Variants in RUFY1 observed in about 807,000 individuals in gnomAD.
RUFY1 encodes the protein RUN and FYVE domain-containing protein 1.
Under a neutral mutation model 94.6 loss-of-function variants are expected in RUFY1, and 54 were observed. The ratio of observed to expected loss-of-function variants is 0.57; its 90% CI spans 0.46 to 0.72. The LOEUF is 0.72. Among genes scored for constraint, RUFY1 ranks in the 30% least tolerant of loss-of-function variants. The pLI is 0.00. For synonymous variants in RUFY1, 396 were observed against 347.3 expected (o/e 1.14, Z -1.56); for missense variants, 883 against 883.9 (o/e 1.00, Z 0.01).
At chr5:179,564,462 T>C (rs1309464992) in intron 3 of RUFY1, among the ~76,000 whole-genome samples, 1 of 146,794 alleles carries the variant, frequency 6.8e-6, no homozygotes, top group Non-Finnish European at 1.5e-5. Flanking sequence ...CTCTGTCGCC[T>C]AGGCTGGAGT....
chr5:179,587,044 A>G (rs367913062), intron 8 of RUFY1, among the ~76,000 whole-genome samples: 1 of 152,286 alleles, frequency 6.6e-6, no homozygotes, highest in East Asian at 1.9e-4. Flanking sequence ...GAAACTAAGC[A>G]GAGTTATGTG....
At chr5:179,583,802 T>G (rs1263233286) in intron 7 of RUFY1, among the ~76,000 whole-genome samples, 3 of 151,668 alleles carry the variant, frequency 2.0e-5, no homozygotes, top group Non-Finnish European at 2.9e-5. Flanking sequence ...CAGGCTGGAG[T>G]GCAGTGGCAT....
At chr5:179,572,322 C>A in intron 5 of RUFY1, 1 of 194,562 alleles carries the variant, frequency 5.1e-6, no homozygotes, top group South Asian at 7.4e-5. Context: ...TGGAGAACGT[C>A]GCATTCAGCG....
In RUFY1 at chr5:179,591,643, A is replaced by C. The variant is rs747712927; in HGVS notation, c.1147A>C (p.Lys383Gln). Residue 383 changes from lysine (K) to glutamine (Q), a missense_variant, in exon 10 of 18, where the codon AAA (lysine) becomes CAA (glutamine). By Grantham distance (53) the Lys-to-Gln change is moderately conservative. Transcript: ENST00000319449. ...KSVEITKQDT[K>Q]VELETYKQTR... ...GATACAGATAACAAAACAGGATACC[A>C]AAGTTGAGCTGGAGACTTACAAGCA... The C allele has an allele frequency of 1.9e-6, 3 of 1,612,000 alleles. No individual in the cohort carries two copies. Among genetic ancestry groups the C allele is most frequent in the Non-Finnish European group, 2.5e-6 (3 of 1,178,956 alleles).
chr5:179,570,705 T>C (rs1305678051), intron 5 of RUFY1, among the ~76,000 whole-genome samples: 1 of 152,180 alleles, frequency 6.6e-6, no homozygotes, highest in Non-Finnish European at 1.5e-5. Context: ...TTTTCCTGCA[T>C]TGTGTTTGGT....
chr5:179,582,699 C>G (rs976210825), intron 7 of RUFY1, among the ~76,000 whole-genome samples: 1 of 151,792 alleles, frequency 6.6e-6, no homozygotes, highest in African/African-American at 2.4e-5. Context: ...CAAAATTAGG[C>G]AGGCGTGGTG....
At chr5:179,604,786 A>G (rs1766870056) in intron 15 of RUFY1, among the ~76,000 whole-genome samples, 1 of 152,022 alleles carries the variant, frequency 6.6e-6, no homozygotes, top group African/African-American at 2.4e-5. Flanking sequence ...GTTCAAGACC[A>G]GCCAGGCCAA....
chr5:179,607,605 C>T lies in RUFY1; in HGVS notation c.1929C>T (p.Asp643=), dbSNP rs547134316. The T allele has an allele frequency of 3.5e-5, 57 of 1,614,198 alleles. No individual in the cohort carries two copies. In the East Asian group the frequency reaches 4.5e-4, roughly 13 times the overall value. ...AGGGCCACGCCTGGCTGAAAGATGACGAAGCGACACACTGTAGGCAGTGTG... is the reference window on the plus strand; with the variant it reads ...AGGGCCACGCCTGGCTGAAAGATGATGAAGCGACACACTGTAGGCAGTGTG... The part of the protein sequence containing the change: ...ALKGHAWLKD[D]EATHCRQCEK... The change falls in exon 17 of 18, where the codon GAC becomes GAT. Residue 643 remains aspartate (D), a synonymous_variant. Coordinates refer to ENST00000319449, the MANE Select transcript of RUFY1 (RefSeq NM_025158.5).
chr5:179,593,071 T>A (rs1765243398), intron 10 of RUFY1, among the ~76,000 whole-genome samples: 1 of 151,862 alleles, frequency 6.6e-6, no homozygotes, highest in African/African-American at 2.4e-5. Context: ...CTTCAGTTTG[T>A]TTGTTTTGTT....
Position 179,591,634 on chromosome 5 carries a change from C to T in RUFY1, c.1138C>T (p.Gln380Ter). ...TCCTTGTTTGATACAGATAACAAAA[C>T]AGGATACCAAAGTTGAGCTGGAGAC... Reference protein sequence around the residue: ...RSEKSVEITKQDTKVELETYK... With the variant: ...RSEKSVEITK Residue 380 changes from glutamine to a stop codon, truncating the protein, a stop_gained, in exon 10 of 18, where the codon CAG becomes TAG. Transcript: ENST00000319449. LOFTEE classifies it high-confidence loss of function. The T allele has an allele frequency of 6.2e-7, 1 of 1,608,270 alleles. No individual in the cohort carries two copies. Among genetic ancestry groups the T allele is most frequent in the East Asian group, 2.2e-5 (1 of 44,778 alleles).
intron 5 of RUFY1, among the ~76,000 whole-genome samples, chr5:179,573,065 A>G (rs1002502900): frequency 6.6e-6 from 1 of 152,224 alleles, no homozygotes; most frequent in African/African-American, 2.4e-5. Flanking sequence ...TGAAATATCC[A>G]TAATATGCAT....
chr5:179,559,914 C>T, intron 1 of RUFY1, 111 bp from the exon 2 acceptor site: 1 of 1,474,010 alleles, frequency 6.8e-7, no homozygotes, highest in East Asian at 2.5e-5. Context: ...ACGTCCGTTC[C>T]CTAAGCAGAC....
At chr5:179,593,677 C>G in intron 11 of RUFY1, 32 bp downstream of exon 11, 1 of 1,602,344 alleles carries the variant, frequency 6.2e-7, no homozygotes, top group South Asian at 1.1e-5. Context: ...ATGGCACAGC[C>G]TGGTTTCTGC....
At chr5:179,602,532 G>C (rs1352031861) in intron 15 of RUFY1, 1 of 153,046 alleles carries the variant, frequency 6.5e-6, no homozygotes, top group Non-Finnish European at 1.5e-5. Context: ...TCCCAGTCTA[G>C]ATAGGTTGCT....
intron 9 of RUFY1, among the ~76,000 whole-genome samples, 192 bp from the exon 10 acceptor site, chr5:179,591,433 C>T (rs533645103): frequency 6.6e-6 from 1 of 152,196 alleles, no homozygotes; most frequent in Non-Finnish European, 1.5e-5. Flanking sequence ...ATCCGCCCGC[C>T]TCGGCCTCCC....
At chr5:179,553,631 AG>A (rs1373860540) in intron 1 of RUFY1, among the ~76,000 whole-genome samples, 3 of 151,620 alleles carry the variant, frequency 2.0e-5, no homozygotes, top group Admixed American at 6.6e-5. Context: ...TAAAAAAAAA[AG>A]TACAAAAATT....
At chr5:179,606,149 C>T (rs1767061994) in intron 16 of RUFY1, 2 of 579,650 alleles carry the variant, frequency 3.5e-6, no homozygotes, top group Non-Finnish European at 6.1e-6. Flanking sequence ...CCAGTTCCTC[C>T]ACCATCAGCT....
intron 7 of RUFY1, among the ~76,000 whole-genome samples, chr5:179,584,290 C>T (rs1277606217): frequency 4.6e-5 from 7 of 152,152 alleles, no homozygotes; most frequent in Non-Finnish European, 4.4e-5. Context: ...TGGTCTTTGG[C>T]AGCATGACCT....
intron 1 of RUFY1, among the ~76,000 whole-genome samples, chr5:179,557,958 T>A (rs1309559985): frequency 2.0e-5 from 3 of 152,104 alleles, no homozygotes; most frequent in Non-Finnish European, 4.4e-5. Context: ...ATGGAGTGAG[T>A]TGCCCTTCTT....
Sources: allele counts gnomAD v4.1 joint callset (sites outside exome capture counted in the v4.1 genomes callset), GRCh38; gene constraint gnomAD v4.1.1; transcripts MANE v1.5; gene names NCBI Gene and HGNC (gene_info 2026-07-23, HGNC 2026-07-21).